Variants in TGM6 observed in about 807,000 individuals in gnomAD.
The protein encoded by TGM6 is protein-glutamine gamma-glutamyltransferase 6.
Under a neutral mutation model 77.5 loss-of-function variants are expected in TGM6, and 74 were observed. The observed-to-expected ratio is 0.96, with a 90% CI of 0.79 to 1.16. The LOEUF (loss-of-function observed/expected upper bound fraction) is 1.16, where lower values mean the gene tolerates loss of function less well. Ranked by LOEUF, TGM6 falls within the 50% of genes most tolerant of loss-of-function variation. The probability of loss-of-function intolerance (pLI) is 0.00; values close to 1 mark genes in which losing one functional copy is unlikely to be tolerated. For missense variants in TGM6, 968 were observed against 940.2 expected (o/e 1.03, Z -0.39); for synonymous variants, 383 against 378.9 (o/e 1.01, Z -0.12).
chr20:2,399,140 G>GA (rs760119280), intron 5 of TGM6, among the ~76,000 whole-genome samples: 925 of 61,126 alleles, frequency 0.015, 8 homozygotes, highest in Non-Finnish European at 0.026. Context: ...TTTTGCATCT[G>GA]AAAAAAAAAA....
intron 10 of TGM6, among the ~76,000 whole-genome samples, chr20:2,426,428 A>C (rs987781461): frequency 6.6e-6 from 1 of 151,928 alleles, no homozygotes; most frequent in Non-Finnish European, 1.5e-5. Context: ...ATTCTTTTGG[A>C]TTTTCTACAT....
intron 1 of TGM6, among the ~76,000 whole-genome samples, chr20:2,387,042 T>C (rs1176084345): frequency 2.0e-5 from 3 of 152,240 alleles, no homozygotes; most frequent in Non-Finnish European, 2.9e-5. Flanking sequence ...AATTGTGGGC[T>C]ACAAATCCAG....
In TGM6 at chr20:2,394,623, C is replaced by G. The variant is rs750942778; in HGVS notation, c.179C>G (p.Thr60Arg). 8 of 1,608,328 alleles carry G rather than the reference C, an allele frequency of 5.0e-6. No homozygotes were observed. In the East Asian group the frequency reaches 1.1e-4, roughly 23 times the overall value. ...GAGATCCTCATCTTCACGATGGAGA[C>G]AGGTAACTGGGCTTGCCAGCACCCT... ...CEEILIFTME[T>R]GPRASEALHT... is the part of the protein sequence containing the mutation. The change falls in exon 2 of 13, where the codon ACA (threonine) becomes AGA (arginine). Residue 60 changes from threonine (T) to arginine (R), a missense_variant and splice_region_variant. Coordinates refer to ENST00000202625, the MANE Select transcript of TGM6 (RefSeq NM_198994.3).
intron 1 of TGM6, among the ~76,000 whole-genome samples, chr20:2,388,305 C>A (rs2084609041): frequency 6.6e-6 from 1 of 152,238 alleles, no homozygotes; most frequent in African/African-American, 2.4e-5. Context: ...TGTCCAGACA[C>A]TTGCCCACAC....
At chr20:2,407,558 G>T (rs1393940056) in intron 9 of TGM6, among the ~76,000 whole-genome samples, 2 of 152,200 alleles carry the variant, frequency 1.3e-5, no homozygotes, top group Non-Finnish European at 2.9e-5. Flanking sequence ...GGCGGAGGTT[G>T]CAGTGAGCAG....
intron 1 of TGM6, among the ~76,000 whole-genome samples, chr20:2,382,313 G>A (rs73082688): frequency 0.14 from 21,231 of 152,182 alleles, 1,829 homozygotes; most frequent in South Asian, 0.32. Context: ...CAGACTGCCT[G>A]TTTCCAGAGC....
chr20:2,382,542 T>C (rs2084563048), intron 1 of TGM6, among the ~76,000 whole-genome samples: 1 of 152,230 alleles, frequency 6.6e-6, no homozygotes, highest in Non-Finnish European at 1.5e-5. Flanking sequence ...TTCCTCTCTC[T>C]GAAGCTCTGT....
Position 2,403,512 on chromosome 20 carries a change from T to G in TGM6, c.1093+12T>G. ...GGAGGAGAGTGAAGGTACGCTCAAT[T>G]GGGTGGGGTAAGTTCCAGACCCCTG... On this transcript the variant is annotated intron_variant, in intron 8 of 12. Transcript: ENST00000202625. The G allele has an allele frequency of 6.2e-7, 1 of 1,614,082 alleles. No individual in the cohort carries two copies. The highest frequency in any genetic ancestry group is 8.5e-7 in the Non-Finnish European group (1 of 1,180,002).
chr20:2,400,395 G>T lies in TGM6; in HGVS notation c.940G>T (p.Val314Leu), dbSNP rs202184911. The T allele has an allele frequency of 1.2e-6, 2 of 1,614,162 alleles. No homozygotes were observed. Among genetic ancestry groups the T allele is most frequent in the Non-Finnish European group, 1.7e-6 (2 of 1,180,038 alleles). ...CCAGAACCTGAGTGTGGACAAATAC[G>T]TGGACTCCTTCGGGCGGACCCTGGA... The part of the protein sequence containing the change: ...TDQNLSVDKY[V>L]DSFGRTLEDL... The change falls in exon 7 of 13, where the codon GTG becomes TTG. Residue 314 changes from valine (V) to leucine (L), a missense_variant. Transcript: ENST00000202625.
chr20:2,405,788 C>T (rs1315892035), intron 9 of TGM6, among the ~76,000 whole-genome samples: 5 of 152,198 alleles, frequency 3.3e-5, no homozygotes, highest in Admixed American at 2.6e-4. Flanking sequence ...CAACCCTAAC[C>T]TCCACTGTGT....
chr20:2,412,586 A>G (rs555245181), intron 9 of TGM6, among the ~76,000 whole-genome samples: 1 of 152,184 alleles, frequency 6.6e-6, no homozygotes, highest in East Asian at 1.9e-4. Context: ...AAATTTCCAA[A>G]TTGGAAAGAA....
In TGM6 at chr20:2,430,678, G is replaced by A. The variant is rs1049918434; in HGVS notation, c.1833+78G>A. The A allele has an allele frequency of 5.0e-6, 8 of 1,607,898 alleles. No homozygotes were observed. In the South Asian group the frequency reaches 5.5e-5, roughly 11 times the overall value. ...AGCTGGGGGAGGGCGTCAGAAGCTG[G>A]GGGGGTTTGTGCCTTTAACTCCAGC... On this transcript the variant is annotated intron_variant, in intron 11 of 12. Transcript: ENST00000202625.
chr20:2,402,807 A>G (rs1278732682), intron 7 of TGM6, among the ~76,000 whole-genome samples: 1 of 152,174 alleles, frequency 6.6e-6, no homozygotes, highest in Non-Finnish European at 1.5e-5. Flanking sequence ...TCAGAACCCT[A>G]CCTACCCCCT....
chr20:2,425,864 A>G (rs1228762640), intron 10 of TGM6, among the ~76,000 whole-genome samples: 1 of 152,198 alleles, frequency 6.6e-6, no homozygotes, highest in Non-Finnish European at 1.5e-5. Context: ...CGTGTTCGAA[A>G]CTATACAATT....
intron 10 of TGM6, among the ~76,000 whole-genome samples, chr20:2,422,475 G>A (rs1402475588): frequency 6.6e-6 from 1 of 152,174 alleles, no homozygotes; most frequent in Non-Finnish European, 1.5e-5. Flanking sequence ...AACCACAATA[G>A]TAGGAATATT....
chr20:2,394,142 A>G (rs1286436401), intron 1 of TGM6, among the ~76,000 whole-genome samples: 1 of 152,098 alleles, frequency 6.6e-6, no homozygotes, highest in Non-Finnish European at 1.5e-5. Context: ...TATACAAAGA[A>G]ATTACCCAGG....
At chr20:2,410,384 C>T (rs1464587432) in intron 9 of TGM6, among the ~76,000 whole-genome samples, 2 of 152,234 alleles carry the variant, frequency 1.3e-5, no homozygotes, top group East Asian at 1.9e-4. Context: ...ACCACCCCTG[C>T]CCCCTGCCAT....
At chr20:2,385,695 G>A (rs922270718) in intron 1 of TGM6, among the ~76,000 whole-genome samples, 30 of 152,316 alleles carry the variant, frequency 2.0e-4, no homozygotes, top group South Asian at 8.3e-4. Flanking sequence ...CAGTCGGAGC[G>A]TGAGCAGCTG....
chr20:2,400,262 C>T (rs765138287), intron 6 of TGM6, 44 bp from the exon 7 acceptor site: 19 of 1,612,348 alleles, frequency 1.2e-5, no homozygotes, highest in Non-Finnish European at 1.5e-5. Flanking sequence ...GCCCCTCTCT[C>T]AGGGGCCAGG....
Sources: allele counts gnomAD v4.1 joint callset (sites outside exome capture counted in the v4.1 genomes callset), GRCh38; gene constraint gnomAD v4.1.1; transcripts MANE v1.5; gene names NCBI Gene and HGNC (gene_info 2026-07-23, HGNC 2026-07-21).